LTBP1: variants seen among roughly 807,000 people sequenced by gnomAD.
LTBP1 encodes latent transforming growth factor beta binding protein 1, also known as latent-transforming growth factor beta-binding protein 1.
LTBP1 carries 129 observed loss-of-function variants against 207.6 expected under a neutral mutation model. The ratio of observed to expected loss-of-function variants is 0.62; its 90% CI spans 0.54 to 0.72. The LOEUF (loss-of-function observed/expected upper bound fraction) is 0.72. LTBP1 is among the 30% of genes least tolerant of loss of function. The pLI, the probability that LTBP1 is intolerant of heterozygous loss-of-function variation, is 0.00. For missense variants in LTBP1, 2,281 were observed against 2,217.2 expected, an observed-to-expected ratio of 1.03 and a Z score of -0.58; for synonymous variants, 963 against 833.7, an observed-to-expected ratio of 1.16 and a Z score of -2.67.
intron 5 of LTBP1, among the ~76,000 whole-genome samples, chr2:33,179,922 G>C (rs74773164): frequency 0.031 from 4,719 of 152,286 alleles, 102 homozygotes; most frequent in Middle Eastern, 0.14. Flanking sequence ...AATCGGGCCT[G>C]TGTCTGTATC....
intron 19 of LTBP1, among the ~76,000 whole-genome samples, chr2:33,282,835 C>T (rs1451384010): frequency 4.6e-5 from 7 of 152,006 alleles, no homozygotes; most frequent in African/African-American, 1.5e-4. Context: ...GAGGCCAAGA[C>T]GGGTGGATCA....
At chr2:33,085,682 C>G (rs150382479) in intron 3 of LTBP1, among the ~76,000 whole-genome samples, 15 of 152,332 alleles carry the variant, frequency 9.8e-5, no homozygotes, top group African/African-American at 2.4e-4. Context: ...ATTGAAGTCA[C>G]TTGCATAAGA....
At chr2:33,283,841 G>A (rs527630287) in intron 19 of LTBP1, among the ~76,000 whole-genome samples, 13 of 152,278 alleles carry the variant, frequency 8.5e-5, no homozygotes, top group African/African-American at 2.2e-4. Context: ...CAGGGCTGCC[G>A]TGTTCCATAA....
At chr2:33,301,873 G>A (rs1390299392) in intron 22 of LTBP1, among the ~76,000 whole-genome samples, 4 of 152,116 alleles carry the variant, frequency 2.6e-5, no homozygotes, top group African/African-American at 9.7e-5. Flanking sequence ...CCAGCCAAAG[G>A]CATAAAAGAA....
chr2:33,194,103 C>T (rs2088253678), intron 7 of LTBP1, among the ~76,000 whole-genome samples: 1 of 152,142 alleles, frequency 6.6e-6, no homozygotes, highest in African/African-American at 2.4e-5. Flanking sequence ...TCTCCTGCCT[C>T]AGCCTCCCAA....
chr2:33,224,800 GT>G (rs1212484109), intron 9 of LTBP1, among the ~76,000 whole-genome samples: 6 of 152,146 alleles, frequency 3.9e-5, no homozygotes, highest in African/African-American at 1.4e-4. Flanking sequence ...TGCTATATTT[GT>G]TTTTCTTGAA....
At chr2:33,312,619 A>C (rs1463129970) in intron 23 of LTBP1, among the ~76,000 whole-genome samples, 1 of 152,164 alleles carries the variant, frequency 6.6e-6, no homozygotes, top group African/African-American at 2.4e-5. Context: ...GTACAATCCA[A>C]ATTGAATGCA....
chr2:33,346,350 G>T (rs1281314368), intron 25 of LTBP1, among the ~76,000 whole-genome samples: 1 of 152,084 alleles, frequency 6.6e-6, no homozygotes, highest in African/African-American at 2.4e-5. Context: ...TAATTCTGTG[G>T]TTACTGAAGT....
At position 33,054,807 on chromosome 2, in the gene LTBP1, T is replaced by C. The variant is rs1032709851; in HGVS notation, c.863+33601T>C. Among the ~76,000 whole-genome samples the C allele has an allele frequency of 2.3e-4, 35 of 152,166 alleles. 1 individual carries two copies. Among genetic ancestry groups the C allele is most frequent in the Admixed American group, 2.6e-4 (4 of 15,274 alleles). On this transcript the variant is annotated intron_variant, in intron 3 of 33. Transcript: ENST00000404816. The stretch of plus-strand genomic sequence containing the variant: ...CAGTGAGGGTGATGACATGAGCCGG[T>C]GTTTGCCCCAGGCACCCTCAGTCCT...
intron 5 of LTBP1, among the ~76,000 whole-genome samples, chr2:33,142,969 C>T (rs992113410): frequency 6.6e-6 from 1 of 152,186 alleles, no homozygotes; most frequent in Admixed American, 6.5e-5. Flanking sequence ...GTCTAAACTG[C>T]TTAGCATAGC....
intron 31 of LTBP1, among the ~76,000 whole-genome samples, chr2:33,381,433 C>A (rs1249032925): frequency 6.6e-6 from 1 of 152,094 alleles, no homozygotes; most frequent in African/African-American, 2.4e-5. Context: ...GTGGGGAGAA[C>A]GTGGTTGGTC....
intron 4 of LTBP1, among the ~76,000 whole-genome samples, chr2:33,111,138 G>C (rs2080375690): frequency 6.6e-6 from 1 of 152,170 alleles, no homozygotes; most frequent in Non-Finnish European, 1.5e-5. Context: ...GTCCTGCATA[G>C]CTCTCTGAGG....
intron 2 of LTBP1, among the ~76,000 whole-genome samples, chr2:33,010,320 C>A (rs1687496765): frequency 6.6e-6 from 1 of 152,198 alleles, no homozygotes; most frequent in Non-Finnish European, 1.5e-5. Context: ...TAAGCATTAT[C>A]CAGTGTCATT....
intron 24 of LTBP1, among the ~76,000 whole-genome samples, chr2:33,319,974 G>A (rs1573816711): frequency 1.3e-5 from 2 of 152,184 alleles, no homozygotes; most frequent in Admixed American, 1.3e-4. Context: ...CTACCTGTGT[G>A]CCATCCACTG....
intron 9 of LTBP1, 70 bp from the exon 10 acceptor site, chr2:33,243,592 T>C: frequency 6.8e-7 from 1 of 1,465,718 alleles, no homozygotes; most frequent in Non-Finnish European, 9.4e-7. Flanking sequence ...AGGAAGTGAA[T>C]GCAATGTATA....
intron 2 of LTBP1, among the ~76,000 whole-genome samples, chr2:32,987,331 A>G (rs1270229151): frequency 6.6e-6 from 1 of 150,516 alleles, no homozygotes; most frequent in Non-Finnish European, 1.5e-5. Flanking sequence ...GGAATAGAAG[A>G]CCCTTGGGAC....
At chr2:33,184,665 C>A (rs996328441) in intron 5 of LTBP1, among the ~76,000 whole-genome samples, 6 of 151,918 alleles carry the variant, frequency 3.9e-5, no homozygotes, top group African/African-American at 9.7e-5. Context: ...TATTTAATTT[C>A]TCCATTTAGC....
At chr2:32,999,666 C>T (rs370399593) in intron 2 of LTBP1, among the ~76,000 whole-genome samples, 4 of 133,314 alleles carry the variant, frequency 3.0e-5, no homozygotes, top group African/African-American at 2.6e-5. Flanking sequence ...CCGAGGTGGG[C>T]GGATCATGAG....
intron 4 of LTBP1, among the ~76,000 whole-genome samples, chr2:33,119,746 G>C (rs1417048313): frequency 6.6e-6 from 1 of 152,098 alleles, no homozygotes; most frequent in African/African-American, 2.4e-5. Flanking sequence ...TTTTAGTAGA[G>C]GCGGGGTTTC....
Sources: allele counts gnomAD v4.1 joint callset (sites outside exome capture counted in the v4.1 genomes callset), GRCh38; gene constraint gnomAD v4.1.1; transcripts MANE v1.5; gene names NCBI Gene and HGNC (gene_info 2026-07-23, HGNC 2026-07-21).